Variants in MICAL2 observed in about 807,000 individuals in gnomAD.
The protein encoded by MICAL2 is [F-actin]-monooxygenase MICAL2.
Under a neutral mutation model 127.3 loss-of-function variants are expected in MICAL2, and 77 were observed. The ratio of observed to expected loss-of-function variants is 0.60; its 90% CI spans 0.50 to 0.73. The LOEUF (loss-of-function observed/expected upper bound fraction) is 0.73. Among genes scored for constraint, MICAL2 ranks in the 30% least tolerant of loss-of-function variants. MICAL2 has a pLI of 0.00. For synonymous variants in MICAL2, 570 were observed against 551.1 expected (o/e 1.03, Z -0.48); for missense variants, 1,351 against 1,434.4 (o/e 0.94, Z 0.94).
chr11:12,293,902 G>C (rs1316892404), downstream of MICAL2: 1 of 1,611,658 alleles, frequency 6.2e-7, no homozygotes, highest in South Asian at 1.1e-5. Flanking sequence ...GGGAAAAAGG[G>C]AGTACTGGAG....
intron 3 of MICAL2, among the ~76,000 whole-genome samples, chr11:12,180,800 G>A (rs1857367813): frequency 6.6e-6 from 1 of 151,822 alleles, no homozygotes; most frequent in Admixed American, 6.6e-5. Context: ...GACTTCAGTG[G>A]AGAAAATGGG....
At chr11:12,228,181 T>A (rs1253578553) in intron 15 of MICAL2, among the ~76,000 whole-genome samples, 1 of 151,996 alleles carries the variant, frequency 6.6e-6, no homozygotes, top group Non-Finnish European at 1.5e-5. Context: ...ATACAAAAAA[T>A]TAGCCAGGTG....
intron 8 of MICAL2, 167 bp downstream of exon 8, chr11:12,216,486 A>G: frequency 1.6e-6 from 1 of 607,258 alleles, no homozygotes; most frequent in Non-Finnish European, 2.9e-6. Context: ...GTATTGGATA[A>G]AGGAGCCCAC....
chr11:12,339,609 G>A (rs1938825310), intron 32 of MICAL2, among the ~76,000 whole-genome samples: 2 of 152,142 alleles, frequency 1.3e-5, no homozygotes, highest in Admixed American at 6.5e-5. Flanking sequence ...TGATGGTGAT[G>A]TACAGATGGG....
chr11:12,129,636 CTT>C (rs559528778), intron 1 of MICAL2, among the ~76,000 whole-genome samples: 12 of 97,428 alleles, frequency 1.2e-4, no homozygotes, highest in East Asian at 3.2e-4. Context: ...TCTTCTTCTT[CTT>C]TTTTTTTTTT....
intron 3 of MICAL2, among the ~76,000 whole-genome samples, chr11:12,189,555 G>A (rs187700034): frequency 6.6e-6 from 1 of 152,266 alleles, no homozygotes; most frequent in East Asian, 1.9e-4. Context: ...AGTTTTGCAG[G>A]GTTTAAATTA....
chr11:12,288,858 C>A (rs188053443), downstream of MICAL2, among the ~76,000 whole-genome samples: 1 of 152,330 alleles, frequency 6.6e-6, no homozygotes, highest in Non-Finnish European at 1.5e-5. Context: ...GAGTCCCAGT[C>A]TCCCGAAAAT....
exon 3 of MICAL2, chr11:12,287,169 G>A: frequency 2.5e-6 from 1 of 399,016 alleles, no homozygotes; most frequent in Non-Finnish European, 4.4e-6. Context: ...GGTGGAGTGA[G>A]TCACTAGCTC....
At chr11:12,271,243 T>C (rs984833425), upstream of MICAL2, among the ~76,000 whole-genome samples, 1 of 152,224 alleles carries the variant, frequency 6.6e-6, no homozygotes, top group Admixed American at 6.5e-5. Context: ...TTCTCACCCA[T>C]GACTCCTAGG....
chr11:12,303,729 C>G (rs1864075997), intron 29 of MICAL2: 1 of 152,136 alleles, frequency 6.6e-6, no homozygotes, highest in Admixed American at 6.6e-5. Flanking sequence ...ATTATTAGCC[C>G]TTTTGTCATT....
At chr11:12,142,003 G>A (rs11822968) in intron 2 of MICAL2, among the ~76,000 whole-genome samples, 3,464 of 152,284 alleles carry the variant, frequency 0.023, 134 homozygotes, top group African/African-American at 0.077. Context: ...AGAAACTGAG[G>A]CCCAGAGACA....
chr11:12,111,572 C>T (rs1248205313), intron 1 of MICAL2, among the ~76,000 whole-genome samples: 7 of 152,228 alleles, frequency 4.6e-5, no homozygotes, highest in Non-Finnish European at 7.3e-5. Context: ...GAGTAGTGTG[C>T]CTCCTTCCAC....
rs1364678462 is a variant in MICAL2 at position 12,337,716 on chromosome 11, G to A, written c.5515+10450G>A. Among the ~76,000 whole-genome samples, 4 of 152,114 alleles carry A rather than the reference G, an allele frequency of 2.6e-5. No individual in the cohort carries two copies. The East Asian group carries it at 7.7e-4, about 29-fold the overall frequency. On this transcript the variant is annotated intron_variant, in intron 32 of 34. Coordinates refer to the MICAL2 transcript ENST00000646065. ...CTGCCTTCATTTCGTTATGTACCCA[G>A]TAGTCATTCAGGAGCAGGTTGTTCA...
At chr11:12,319,884 T>A (rs565209894) in intron 30 of MICAL2, 1 of 1,102,406 alleles carries the variant, frequency 9.1e-7, no homozygotes, top group African/African-American at 1.5e-5. Context: ...TCAGAACCAA[T>A]GTGGGCTCCA....
At chr11:12,202,168 T>C (rs1428643569) in intron 3 of MICAL2, among the ~76,000 whole-genome samples, 1 of 152,128 alleles carries the variant, frequency 6.6e-6, no homozygotes, top group Non-Finnish European at 1.5e-5. Flanking sequence ...CCAACTCTCA[T>C]CTCTTTTCTC....
chr11:12,141,927 A>G (rs1054002181), intron 2 of MICAL2, among the ~76,000 whole-genome samples: 9 of 152,212 alleles, frequency 5.9e-5, no homozygotes, highest in African/African-American at 2.2e-4. Context: ...AACATTTACA[A>G]TTGTAAAGTA....
At chr11:12,302,115 T>C (rs1396987952) in intron 29 of MICAL2, among the ~76,000 whole-genome samples, 1 of 152,190 alleles carries the variant, frequency 6.6e-6, no homozygotes, top group Non-Finnish European at 1.5e-5. Flanking sequence ...GAGACTATGT[T>C]AGTGTTTGTT....
At chr11:12,241,593 C>A (rs960772230) in intron 18 of MICAL2, among the ~76,000 whole-genome samples, 6 of 152,196 alleles carry the variant, frequency 3.9e-5, no homozygotes, top group African/African-American at 1.4e-4. Context: ...AAGGCCTTGC[C>A]GGTGCCAGAG....
At chr11:12,294,311 G>A (rs370933145), downstream of MICAL2, 21 of 1,614,048 alleles carry the variant, frequency 1.3e-5, no homozygotes, top group East Asian at 2.2e-5. Flanking sequence ...CGGGAAGAAG[G>A]CCTGGGCCAA....
Sources: gnomAD v4.1 joint callset for allele counts (sites outside exome capture counted in the v4.1 genomes callset) on GRCh38, gnomAD v4.1.1 for gene constraint, MANE v1.5 for transcripts, NCBI Gene and HGNC (gene_info 2026-07-23, HGNC 2026-07-21) for gene names.